The following SH3GL1 variants were observed in gnomAD, a reference collection of about 807,000 sequenced individuals.
The protein encoded by SH3GL1 is SH3 domain containing GRB2 like 1, endophilin A2, also known as endophilin-A2.
SH3GL1 carries 21 observed loss-of-function variants against 48.8 expected under a neutral mutation model. That is an observed-to-expected ratio of 0.43 (90% confidence interval 0.30 to 0.62). SH3GL1 has a LOEUF of 0.62. Ranked by LOEUF, SH3GL1 falls within the 20% of genes least tolerant of loss-of-function variation. The probability of loss-of-function intolerance (pLI) is 0.11; values close to 1 mark genes in which losing one functional copy is unlikely to be tolerated. For missense variants in SH3GL1, 454 were observed against 503.0 expected, an observed-to-expected ratio of 0.90 and a Z score of 0.93; for synonymous variants, 282 against 217.5, an observed-to-expected ratio of 1.30 and a Z score of -2.61.
rs778720794 is a variant in SH3GL1 at position 4,362,653 on chromosome 19, G to A, written c.812C>T (p.Ser271Phe). 2.5e-6 allele frequency: 4 copies of A among 1,613,968 alleles called. No individual in the cohort carries two copies. The highest frequency in any genetic ancestry group is 3.4e-6 in the Non-Finnish European group (4 of 1,180,000). ...TGTGGTGCAGGGGAAGCCCCCGTTG[G>A]ACTGCTCAGGCTCTCCAAGGTCAAA... ...EPFDLGEPEQ[S>F]NGGFPCTTAP... The change falls in exon 8 of 10, where the codon TCC becomes TTC. Residue 271 changes from serine to phenylalanine, a missense_variant. Physicochemically the swap from Ser to Phe is radical, Grantham distance 155. Coordinates refer to ENST00000269886, the MANE Select transcript of SH3GL1 (RefSeq NM_003025.4).
chr19:4,369,836 C>CA (rs1257692618), intron 1 of SH3GL1, among the ~76,000 whole-genome samples: 2 of 152,244 alleles, frequency 1.3e-5, no homozygotes, highest in Non-Finnish European at 2.9e-5. Context: ...AGGCACTGGG[C>CA]AGGGGACACA....
At chr19:4,396,535 GA>G (rs1973428416) in intron 1 of SH3GL1, among the ~76,000 whole-genome samples, 1 of 151,958 alleles carries the variant, frequency 6.6e-6, no homozygotes, top group African/African-American at 2.4e-5. Context: ...CACCAGGCTG[GA>G]GTGCTTCCCA....
chr19:4,380,157 T>C (rs1000235422), intron 1 of SH3GL1: 180 of 152,456 alleles, frequency 1.2e-3, no homozygotes, highest in Non-Finnish European at 1.6e-3. Flanking sequence ...GCTCTCTCCC[T>C]GCACCGGAAA....
chr19:4,396,224 C>T (rs1489959006), intron 1 of SH3GL1, among the ~76,000 whole-genome samples: 6 of 151,962 alleles, frequency 3.9e-5, no homozygotes, highest in Non-Finnish European at 1.5e-5. Context: ...TGGTGAAACC[C>T]CGTCTCTACT....
chr19:4,398,039 A>G (rs1181754448), intron 1 of SH3GL1, among the ~76,000 whole-genome samples: 1 of 151,932 alleles, frequency 6.6e-6, no homozygotes, highest in Admixed American at 6.6e-5. Flanking sequence ...TAGAGATGGG[A>G]TCTCCCTATA....
chr19:4,379,184 G>A (rs1973070690), intron 1 of SH3GL1, among the ~76,000 whole-genome samples: 1 of 152,170 alleles, frequency 6.6e-6, no homozygotes, highest in African/African-American at 2.4e-5. Flanking sequence ...GCCAGGCTTG[G>A]TGGCTCATGC....
intron 1 of SH3GL1, among the ~76,000 whole-genome samples, chr19:4,375,009 G>T (rs1209251873): frequency 6.6e-6 from 1 of 152,170 alleles, no homozygotes; most frequent in African/African-American, 2.4e-5. Flanking sequence ...GCAGCCCTGG[G>T]GCTCCCATCA....
chr19:4,387,885 G>A (rs1041201833), intron 1 of SH3GL1, among the ~76,000 whole-genome samples: 1 of 152,026 alleles, frequency 6.6e-6, no homozygotes, highest in Non-Finnish European at 1.5e-5. Flanking sequence ...TTTTGAGACA[G>A]AGTCTCGCTC....
rs1167845518 is a variant in SH3GL1 at position 4,389,922 on chromosome 19, G to A, written c.45+10402C>T. On this transcript the variant is annotated intron_variant, in intron 1 of 9. Coordinates refer to ENST00000269886, the MANE Select transcript of SH3GL1 (RefSeq NM_003025.4). This position sits in a 1 kb window ranked among gnomAD's most constrained non-coding sequence, Gnocchi z 4.5. ...ACGCATGTTCCCGGCCCAGGGAGGG[G>A]AGTGGGCCCACTCACCCCATGCCCT... 1.3e-5 allele frequency: 2 copies of A among 152,342 alleles called. No homozygotes were observed. Among genetic ancestry groups the A allele is most frequent in the Non-Finnish European group, 2.9e-5 (2 of 68,128 alleles). 9.4% of individuals were successfully genotyped at this position (152,342 alleles called of 1,614,324 possible). A position where few individuals can be genotyped will look rare whatever the true frequency, so the allele number is the denominator to read the frequency against.
At chr19:4,391,458 G>A (rs1000525373) in intron 1 of SH3GL1, among the ~76,000 whole-genome samples, 2 of 152,206 alleles carry the variant, frequency 1.3e-5, no homozygotes, top group Admixed American at 6.5e-5. Context: ...TGGTGAACAC[G>A]GGATTCTGAG....
rs772750715 is a variant in SH3GL1 at position 4,361,652 on chromosome 19, G to A, written c.1055C>T (p.Ser352Leu). 5 of 1,610,916 alleles carry A rather than the reference G, an allele frequency of 3.1e-6. No individual in the cohort carries two copies. Among genetic ancestry groups the A allele is most frequent in the Non-Finnish European group, 4.2e-6 (5 of 1,179,630 alleles). The change falls in exon 10 of 10, where the codon TCG (serine) becomes TTG (leucine). Residue 352 changes from serine (S) to leucine (L), a missense_variant. Physicochemically the swap from Ser to Leu is moderately radical, Grantham distance 145 (BLOSUM62 -2). Around this residue, in one of 2 missense-constraint regions of SH3GL1, gnomAD observed 278 missense variants for 246.8 expected, o/e 1.13. Transcript: ENST00000269886. Reference sequence around the variant, plus strand: ...CACGTAGCTGAGCGGGAAGAAGCCCGACTGGCCGTCCAGCATGCCCTCGTA... The same window carrying A: ...CACGTAGCTGAGCGGGAAGAAGCCCAACTGGCCGTCCAGCATGCCCTCGTA... ...NWYEGMLDGQ[S>L]GFFPLSYVEV...
intron 1 of SH3GL1, among the ~76,000 whole-genome samples, chr19:4,380,668 A>G (rs1973103289): frequency 6.6e-6 from 1 of 152,204 alleles, no homozygotes; most frequent in South Asian, 2.1e-4. Context: ...GGTTTTGAAC[A>G]TGATCTGCTC....
chr19:4,377,357 C>T (rs1339685022), intron 1 of SH3GL1, among the ~76,000 whole-genome samples: 3 of 152,342 alleles, frequency 2.0e-5, no homozygotes, highest in Non-Finnish European at 4.4e-5. Flanking sequence ...CTACAGAATG[C>T]GTGGTGGGCA....
intron 1 of SH3GL1, among the ~76,000 whole-genome samples, chr19:4,375,487 C>A (rs1280052131): frequency 6.6e-6 from 1 of 152,218 alleles, no homozygotes; most frequent in Non-Finnish European, 1.5e-5. Flanking sequence ...GCTACCTTCC[C>A]AGGAGACGGG....
chr19:4,362,541 G>C (rs1314142268), intron 8 of SH3GL1, 71 bp downstream of exon 8: 1 of 1,605,270 alleles, frequency 6.2e-7, no homozygotes. Context: ...AGAGACCCAG[G>C]ACAGGGCCAG....
chr19:4,370,698 C>G (rs1166549608), intron 1 of SH3GL1, among the ~76,000 whole-genome samples: 2 of 152,206 alleles, frequency 1.3e-5, no homozygotes, highest in Non-Finnish European at 2.9e-5. Flanking sequence ...AGACTCTGCC[C>G]CTGCTTCAGA....
intron 1 of SH3GL1, among the ~76,000 whole-genome samples, chr19:4,368,847 G>A (rs574880898): frequency 1.3e-5 from 2 of 152,260 alleles, no homozygotes; most frequent in East Asian, 1.9e-4. Flanking sequence ...TGAGGCAGGC[G>A]GATCATGAGG....
At position 4,363,498 on chromosome 19, in the gene SH3GL1, G is replaced by A. The variant is rs184493028; in HGVS notation, c.625-25C>T. ...TCTGTGGGGACAGTAGGGCTCAGGG[G>A]CTCCTGCCAGTGCCACTGTCCTGTG... On this transcript the variant is annotated intron_variant, in intron 6 of 9. Coordinates refer to ENST00000269886, the MANE Select transcript of SH3GL1 (RefSeq NM_003025.4). 2.6e-4 allele frequency: 415 copies of A among 1,590,896 alleles called. 4 individuals carry two copies. The East Asian group carries it at 8.7e-3, about 33-fold the overall frequency.
At chr19:4,396,421 A>C (rs1188685029) in intron 1 of SH3GL1, among the ~76,000 whole-genome samples, 1 of 152,130 alleles carries the variant, frequency 6.6e-6, no homozygotes, top group Non-Finnish European at 1.5e-5. Flanking sequence ...AACAAACAAA[A>C]ACAAACTACA....
Sources: gnomAD v4.1 joint callset for allele counts (sites outside exome capture counted in the v4.1 genomes callset) on GRCh38, gnomAD v4.1.1 for gene constraint, gnomAD v4.1.1 regional missense constraint, Gnocchi (gnomAD v3.1) non-coding constraint, MANE v1.5 for transcripts, NCBI Gene and HGNC (gene_info 2026-07-23, HGNC 2026-07-21) for gene names.